DPF3: variants seen among roughly 807,000 people sequenced by gnomAD.
DPF3 encodes double PHD fingers 3.
Under a neutral mutation model 56.8 loss-of-function variants are expected in DPF3, and 18 were observed. The ratio of observed to expected loss-of-function variants is 0.32; its 90% confidence interval spans 0.22 to 0.47. The LOEUF (loss-of-function observed/expected upper bound fraction) is 0.47, where lower values mean the gene tolerates loss of function less well. Ranked by LOEUF, DPF3 falls within the 20% of genes least tolerant of loss-of-function variation. The pLI is 1.00. For synonymous variants in DPF3, 188 were observed against 180.2 expected (o/e 1.04, Z -0.35); for missense variants, 403 against 488.8 (o/e 0.82, Z 1.65).
intron 1 of DPF3, among the ~76,000 whole-genome samples, chr14:72,884,139 C>T (rs1342670427): frequency 1.7e-4 from 26 of 152,094 alleles, no homozygotes; most frequent in South Asian, 2.1e-4. Flanking sequence ...CTCTACCAAC[C>T]GCGCTTCTGC....
chr14:72,734,407 A>G (rs1002778976), intron 3 of DPF3, among the ~76,000 whole-genome samples: 2 of 152,128 alleles, frequency 1.3e-5, no homozygotes, highest in Non-Finnish European at 2.9e-5. Flanking sequence ...CTCTGATGAC[A>G]TATTACTCTT....
chr14:72,863,402 G>A (rs1018259732), intron 1 of DPF3, among the ~76,000 whole-genome samples: 1 of 151,898 alleles, frequency 6.6e-6, no homozygotes, highest in Admixed American at 6.6e-5. Flanking sequence ...GGGAAGAGAA[G>A]ATTACCGAGA....
At chr14:72,813,343 C>A (rs1186056135) in intron 1 of DPF3, among the ~76,000 whole-genome samples, 1 of 152,148 alleles carries the variant, frequency 6.6e-6, no homozygotes, top group African/African-American at 2.4e-5. Flanking sequence ...CAGTAAAACC[C>A]TGACAGGATT....
intron 2 of DPF3, among the ~76,000 whole-genome samples, chr14:72,770,511 G>GTT (rs1891479228): frequency 1.3e-5 from 2 of 152,198 alleles, no homozygotes; most frequent in African/African-American, 2.4e-5. Flanking sequence ...GATTGTGAGT[G>GTT]TGTTTGTTTG....
intron 1 of DPF3, among the ~76,000 whole-genome samples, chr14:72,856,895 T>G (rs902862265): frequency 6.6e-6 from 1 of 152,070 alleles, no homozygotes; most frequent in Non-Finnish European, 1.5e-5. Context: ...GGGTATGAAA[T>G]GTGGGGCGAG....
intron 7 of DPF3, among the ~76,000 whole-genome samples, chr14:72,690,619 A>G (rs952839131): frequency 6.6e-6 from 1 of 151,896 alleles, no homozygotes; most frequent in African/African-American, 2.4e-5. Flanking sequence ...ATGCACGCAC[A>G]CACACACACA....
chr14:72,739,621 G>A (rs17120199), intron 3 of DPF3, among the ~76,000 whole-genome samples: 8,646 of 152,264 alleles, frequency 0.057, 341 homozygotes, highest in South Asian at 0.16. Context: ...GGAAACAAAC[G>A]GAATCTGAGG....
intron 5 of DPF3, among the ~76,000 whole-genome samples, chr14:72,715,723 G>A (rs188193549): frequency 2.6e-5 from 4 of 151,952 alleles, no homozygotes; most frequent in East Asian, 2.0e-4. Context: ...CACCCACTCA[G>A]AAAACACACC....
intron 1 of DPF3, among the ~76,000 whole-genome samples, chr14:72,879,617 G>A (rs1033162632): frequency 6.6e-6 from 1 of 152,142 alleles, no homozygotes; most frequent in Admixed American, 6.5e-5. Context: ...AGTGCGCCCA[G>A]GGACAGGGTG....
chr14:72,821,684 T>A (rs1475304352), intron 1 of DPF3, among the ~76,000 whole-genome samples: 1 of 152,156 alleles, frequency 6.6e-6, no homozygotes, highest in African/African-American at 2.4e-5. Flanking sequence ...GCAGCAAATA[T>A]TGGAAATCAT....
chr14:72,769,403 C>T (rs1311635760), intron 2 of DPF3, among the ~76,000 whole-genome samples: 4 of 152,124 alleles, frequency 2.6e-5, no homozygotes, highest in South Asian at 2.1e-4. Flanking sequence ...AGCACTGGGC[C>T]GGGCACGGTG....
chr14:72,858,660 A>T (rs1353991977), intron 1 of DPF3, among the ~76,000 whole-genome samples: 1 of 152,238 alleles, frequency 6.6e-6, no homozygotes, highest in Non-Finnish European at 1.5e-5. Flanking sequence ...GCCCTGCCTT[A>T]TGCAAAAGCC....
intron 8 of DPF3, among the ~76,000 whole-genome samples, chr14:72,630,733 A>G (rs1333788965): frequency 1.3e-5 from 2 of 152,260 alleles, no homozygotes; most frequent in Admixed American, 1.3e-4. Flanking sequence ...GGCAAAGCCA[A>G]TTACTGACTC....
rs191505518 is a variant in DPF3, at chr14:72,882,027, G to A, written c.32+12030C>T. Among the ~76,000 whole-genome samples the A allele has an allele frequency of 2.6e-5, 4 of 152,174 alleles. No homozygotes were observed. The East Asian group carries it at 5.8e-4, about 22-fold the overall frequency. ...CTGTGACGTTGGAACCTCTGATATC[G>A]CCCCCAAAGGCCGAAGCTTTGGGTT... On this transcript the variant is annotated intron_variant, in intron 1 of 10. Coordinates refer to ENST00000556509, the MANE Select transcript of DPF3 (RefSeq NM_001280542.3).
intron 1 of DPF3, among the ~76,000 whole-genome samples, chr14:72,775,233 C>CA (rs1283592431): frequency 2.6e-5 from 4 of 151,938 alleles, no homozygotes; most frequent in Non-Finnish European, 5.9e-5. Context: ...TCAGGCCCCC[C>CA]AAAAAAACAA....
chr14:72,694,316 C>T (rs1212069450), intron 6 of DPF3, among the ~76,000 whole-genome samples: 1 of 115,604 alleles, frequency 8.7e-6, no homozygotes, highest in Non-Finnish European at 1.8e-5. Flanking sequence ...GCAAACCAAC[C>T]TGCTCTCTGC....
At chr14:72,879,870 C>A in intron 1 of DPF3, 2 of 1,535,418 alleles carry the variant, frequency 1.3e-6, no homozygotes, top group Non-Finnish European at 1.7e-6. Flanking sequence ...CCCCATAAAA[C>A]CATAGGCAGA....
chr14:72,731,404 C>G (rs917472916), intron 4 of DPF3: 1 of 129,516 alleles, frequency 7.7e-6, no homozygotes, highest in Non-Finnish European at 1.5e-5. Flanking sequence ...GGGGGGTGGG[C>G]AAGCCGGACT....
At chr14:72,844,349 T>G (rs1216865749) in intron 1 of DPF3, among the ~76,000 whole-genome samples, 1 of 152,202 alleles carries the variant, frequency 6.6e-6, no homozygotes, top group African/African-American at 2.4e-5. Flanking sequence ...CCACCCATCC[T>G]TGGGTCATGA....
Sources: gnomAD v4.1 joint callset for allele counts (sites outside exome capture counted in the v4.1 genomes callset) on GRCh38, gnomAD v4.1.1 for gene constraint, MANE v1.5 for transcripts, NCBI Gene and HGNC (gene_info 2026-07-23, HGNC 2026-07-21) for gene names.